Variants in SLC14A2 observed in about 807,000 individuals in gnomAD.
SLC14A2 encodes the protein urea transporter 2.
Under a neutral mutation model 104.6 loss-of-function variants are expected in SLC14A2, and 91 were observed. That is an observed-to-expected ratio of 0.87 (90% CI 0.73 to 1.04). The LOEUF is 1.04. Ranked by LOEUF, SLC14A2 falls within the 50% of genes least tolerant of loss-of-function variation. The pLI is 0.00. For missense variants in SLC14A2, 1,189 were observed against 1,156.0 expected (o/e 1.03, Z -0.41); for synonymous variants, 476 against 466.4 (o/e 1.02, Z -0.27).
chr18:45,641,961 A>C (rs2144556988), intron 8 of SLC14A2, among the ~76,000 whole-genome samples: 1 of 152,374 alleles, frequency 6.6e-6, no homozygotes. Flanking sequence ...TAAATATACA[A>C]ACTCACTTAA....
chr18:45,598,731 T>TG (rs1374607475), intron 2 of SLC14A2, among the ~76,000 whole-genome samples: 1 of 152,124 alleles, frequency 6.6e-6, no homozygotes, highest in Non-Finnish European at 1.5e-5. Flanking sequence ...GGACCTGGAC[T>TG]CTTGTCCTGA....
the SLC14A2 span, among the ~76,000 whole-genome samples, chr18:45,178,199 A>G: frequency 6.6e-6 from 1 of 152,210 alleles, no homozygotes; most frequent in Non-Finnish European, 1.5e-5. Context: ...GTAAATTTGC[A>G]TATCAAAACA....
intron 2 of SLC14A2, among the ~76,000 whole-genome samples, chr18:45,597,476 T>C (rs536414994): frequency 6.6e-6 from 1 of 152,212 alleles, no homozygotes. Context: ...TACCTGGTAG[T>C]TCCCCAAGAA....
chr18:45,252,704 A>G (rs1014323563), intron 1 of SLC14A2, among the ~76,000 whole-genome samples: 1 of 152,146 alleles, frequency 6.6e-6, no homozygotes, highest in Non-Finnish European at 1.5e-5. Context: ...CAGACTCTCT[A>G]CAAACTCAAT....
intron 2 of SLC14A2, among the ~76,000 whole-genome samples, chr18:45,552,130 A>T (rs187076159): frequency 1.5e-4 from 23 of 152,304 alleles, no homozygotes; most frequent in Admixed American, 1.4e-3. Flanking sequence ...TATGTCCTTA[A>T]TTATTAGCCC....
At chr18:45,464,001 G>C (rs1389497075) in intron 1 of SLC14A2, among the ~76,000 whole-genome samples, 1 of 152,136 alleles carries the variant, frequency 6.6e-6, no homozygotes, top group Non-Finnish European at 1.5e-5. Context: ...TTAGTAGACT[G>C]GTTGGAAGAA....
At chr18:45,659,299 G>T (rs2045894753) in intron 10 of SLC14A2, among the ~76,000 whole-genome samples, 1 of 152,226 alleles carries the variant, frequency 6.6e-6, no homozygotes, top group African/African-American at 2.4e-5. Context: ...TGTGTGCCAT[G>T]ATATTGGAGG....
chr18:45,652,362 A>AG (rs1405395508), intron 10 of SLC14A2, among the ~76,000 whole-genome samples: 5 of 152,230 alleles, frequency 3.3e-5, no homozygotes, highest in Non-Finnish European at 7.3e-5. Context: ...GACCCCAAGA[A>AG]GGGGGCAAGG....
At chr18:45,505,450 G>T (rs757897376) in intron 2 of SLC14A2, among the ~76,000 whole-genome samples, 2 of 152,166 alleles carry the variant, frequency 1.3e-5, no homozygotes, top group Middle Eastern at 3.2e-3. Context: ...AGCCCACAGG[G>T]TAATATTCCC....
intron 2 of SLC14A2, among the ~76,000 whole-genome samples, chr18:45,592,464 C>T (rs879865073): frequency 4.6e-5 from 7 of 152,294 alleles, no homozygotes; most frequent in African/African-American, 1.4e-4. Flanking sequence ...CAACCCTAAG[C>T]GCCCCATTCC....
chr18:45,437,097 C>T (rs554703249), intron 1 of SLC14A2, among the ~76,000 whole-genome samples: 40 of 152,342 alleles, frequency 2.6e-4, no homozygotes, highest in Admixed American at 1.4e-3. Flanking sequence ...TATAGATGTA[C>T]GCGCTAATGG....
chr18:45,450,694 A>G (rs2086843705), intron 1 of SLC14A2, among the ~76,000 whole-genome samples: 1 of 152,220 alleles, frequency 6.6e-6, no homozygotes, highest in Non-Finnish European at 1.5e-5. Flanking sequence ...TTACACTCTG[A>G]CAGTCTATTA....
At chr18:45,577,251 G>A (rs1254682756) in intron 2 of SLC14A2, among the ~76,000 whole-genome samples, 1 of 152,094 alleles carries the variant, frequency 6.6e-6, no homozygotes, top group African/African-American at 2.4e-5. Flanking sequence ...CATGGTAGAT[G>A]AGGGATTCAA....
At chr18:45,631,129 C>A (rs564777503) in intron 4 of SLC14A2, among the ~76,000 whole-genome samples, 110 of 152,334 alleles carry the variant, frequency 7.2e-4, no homozygotes, top group Non-Finnish European at 1.3e-3. Context: ...CAAGAACAGC[C>A]AACACATGGT....
intron 2 of SLC14A2, among the ~76,000 whole-genome samples, chr18:45,506,303 C>G (rs563581036): frequency 6.6e-6 from 1 of 152,186 alleles, no homozygotes; most frequent in African/African-American, 2.4e-5. Context: ...TCCACAGAGC[C>G]TTCTTCTAGT....
upstream of SLC14A2, among the ~76,000 whole-genome samples, chr18:45,209,072 C>T (rs2083939278): frequency 1.3e-5 from 2 of 149,124 alleles, no homozygotes; most frequent in African/African-American, 5.0e-5. Context: ...CACGGTGGCT[C>T]ACGTCTGTAA....
intron 2 of SLC14A2, among the ~76,000 whole-genome samples, chr18:45,532,600 G>A (rs1403726482): frequency 1.3e-5 from 2 of 151,352 alleles, no homozygotes; most frequent in East Asian, 3.8e-4. Flanking sequence ...ATTTTGGGCT[G>A]AGACAGTGGG....
At chr18:45,208,941 T>C (rs1278990105), upstream of SLC14A2, among the ~76,000 whole-genome samples, 6 of 151,452 alleles carry the variant, frequency 4.0e-5, no homozygotes, top group African/African-American at 1.5e-4. Context: ...AGGAACATTG[T>C]CAGAACTGGC....
At chr18:45,215,411 A>C (rs187660012) in intron 1 of SLC14A2, among the ~76,000 whole-genome samples, 2 of 152,260 alleles carry the variant, frequency 1.3e-5, no homozygotes, top group Non-Finnish European at 2.9e-5. Context: ...TCCCTTATTG[A>C]AAGCCCTAGT....
Sources: gnomAD v4.1 joint callset for allele counts (sites outside exome capture counted in the v4.1 genomes callset) on GRCh38, gnomAD v4.1.1 for gene constraint, MANE v1.5 for transcripts, NCBI Gene and HGNC (gene_info 2026-07-23, HGNC 2026-07-21) for gene names.